The following PGAP2 variants were observed in gnomAD, a reference collection of about 807,000 sequenced individuals.
PGAP2 encodes post-GPI attachment to proteins 2.
Under a neutral mutation model 33.2 loss-of-function variants are expected in PGAP2, and 21 were observed. The ratio of observed to expected loss-of-function variants is 0.63; its 90% CI spans 0.45 to 0.91. PGAP2 has a LOEUF of 0.91. Ranked by LOEUF, PGAP2 falls within the 40% of genes least tolerant of loss-of-function variation. PGAP2 has a pLI of 0.00. For synonymous variants in PGAP2, 161 were observed against 172.9 expected (o/e 0.93, Z 0.54); for missense variants, 345 against 424.0 (o/e 0.81, Z 1.64).
At chr11:3,824,907 G>C (rs1221332732) in intron 5 of PGAP2, 113 bp from the exon 6 acceptor site, 1 of 1,526,244 alleles carries the variant, frequency 6.6e-7, no homozygotes, top group Admixed American at 2.2e-5. Context: ...TTCCATGACC[G>C]CTAGTGGGAG....
chr11:3,824,506 G>T, intron 5 of PGAP2, 130 bp downstream of exon 5: 8 of 1,386,480 alleles, frequency 5.8e-6, no homozygotes, highest in Middle Eastern at 1.9e-4. Flanking sequence ...GGGTGCTGGG[G>T]TTGGGGCTGG....
intron 3 of PGAP2, chr11:3,818,057 CA>C (rs879534196): frequency 6.7e-6 from 1 of 149,998 alleles, no homozygotes; most frequent in East Asian, 2.0e-4. Context: ...AAAAACAAAA[CA>C]AAATAAAAAA....
chr11:3,825,274 C>G, intron 6 of PGAP2, 54 bp from the exon 7 acceptor site: 3 of 1,596,792 alleles, frequency 1.9e-6, no homozygotes, highest in Non-Finnish European at 2.6e-6. Flanking sequence ...CAAGAGGCCT[C>G]TGAGCGGGTA....
chr11:3,814,075 C>T (rs192719415), intron 2 of PGAP2, among the ~76,000 whole-genome samples: 3 of 152,192 alleles, frequency 2.0e-5, no homozygotes, highest in Admixed American at 2.0e-4. Flanking sequence ...CTGAATTTCC[C>T]ACTCAGAGTA....
rs1448861150 is a variant in PGAP2, at chr11:3,798,327, C to CT, written c.139+354dup. Among the ~76,000 whole-genome samples, 18 of 151,790 alleles carry CT rather than the reference C, an allele frequency of 1.2e-4. No individual in the cohort carries two copies. The South Asian group carries it at 2.1e-3, about 18-fold the overall frequency. Reference sequence around the variant, plus strand: ...AGCTGCACGTGGAGAACCCCTAATTCTTTTTTTTTCTTTTTCTTTTGAGAT... The same window carrying CT: ...AGCTGCACGTGGAGAACCCCTAATTCTTTTTTTTTTCTTTTTCTTTTGAGAT... On this transcript the variant is annotated intron_variant, in intron 1 of 6. Transcript: ENST00000300730.
At chr11:3,803,032 C>T (rs1336611201) in intron 1 of PGAP2, among the ~76,000 whole-genome samples, 1 of 141,690 alleles carries the variant, frequency 7.1e-6, no homozygotes, top group Admixed American at 7.1e-5. Flanking sequence ...CTCACTCTGT[C>T]ACCCAGGCTG....
rs140679835 is a variant in PGAP2 at position 3,816,709 on chromosome 11, G to A, written c.166-644G>A. On this transcript the variant is annotated intron_variant, in intron 2 of 6. Coordinates refer to ENST00000278243, the MANE Select transcript of PGAP2 (RefSeq NM_014489.4). The stretch of plus-strand genomic sequence containing the variant: ...TGGCCTGAGGCTTGGATCATTCAGA[G>A]CCTGGGGGTGGAATGGCTGGCAGCC... 1.1e-3 allele frequency among the ~76,000 whole-genome samples: 161 copies of A among 152,310 alleles called. 1 individual carries two copies. The highest frequency in any genetic ancestry group is 3.8e-3 in the African/African-American group (157 of 41,588).
At position 3,819,007 on chromosome 11, in the gene PGAP2, A is replaced by G. The variant is rs1308187727; in HGVS notation, c.348+1472A>G. Among the ~76,000 whole-genome samples, 3 of 152,214 alleles carry G rather than the reference A, an allele frequency of 2.0e-5. No individual in the cohort carries two copies. The East Asian group carries it at 5.8e-4, about 29-fold the overall frequency. The stretch of plus-strand genomic sequence containing the variant: ...GGGCAATTTTTATCAAGAGCTTTGG[A>G]AAGATTTTAGGCAGGAAAGGGACAT... On this transcript the variant is annotated intron_variant, in intron 3 of 6. Coordinates refer to ENST00000278243, the MANE Select transcript of PGAP2 (RefSeq NM_014489.4).
upstream of PGAP2, among the ~76,000 whole-genome samples, chr11:3,806,714 A>C (rs1445537679): frequency 6.6e-6 from 1 of 152,176 alleles, no homozygotes; most frequent in East Asian, 1.9e-4. Context: ...CCTGTTTTCC[A>C]TTGTAAAATG....
At chr11:3,798,229 C>A in intron 1 of PGAP2, 1 of 968,976 alleles carries the variant, frequency 1.0e-6, no homozygotes, top group Non-Finnish European at 1.4e-6. Context: ...ACATTAGGAG[C>A]ATTAGAGATG....
At chr11:3,817,593 G>A in intron 3 of PGAP2, 58 bp downstream of exon 3, 1 of 1,400,084 alleles carries the variant, frequency 7.1e-7, no homozygotes, top group East Asian at 2.3e-5. Flanking sequence ...GGCAGTTAGG[G>A]TAGAATTAGA....
At chr11:3,797,925 C>T in exon 1 of PGAP2, 1 of 1,548,112 alleles carries the variant, frequency 6.5e-7, no homozygotes, top group South Asian at 1.2e-5. Flanking sequence ...CCTTGGAGCG[C>T]CGCGACTCGG....
upstream of PGAP2, among the ~76,000 whole-genome samples, chr11:3,807,309 G>GTT (rs200578138): frequency 0.092 from 10,547 of 114,586 alleles, 637 homozygotes; most frequent in Non-Finnish European, 0.13. Flanking sequence ...ATTTTCACAG[G>GTT]TTTTTTTTTT....
At chr11:3,808,238 G>T (rs906516374), upstream of PGAP2, 21 of 1,545,340 alleles carry the variant, frequency 1.4e-5, no homozygotes, top group East Asian at 1.7e-4. Flanking sequence ...AGGAGAGACG[G>T]GCGGATGAGA....
At chr11:3,798,141 C>T in intron 1 of PGAP2, 1 of 1,441,820 alleles carries the variant, frequency 6.9e-7, no homozygotes, top group South Asian at 1.4e-5. Flanking sequence ...TTCTTCAGGG[C>T]CCTAAATCCT....
chr11:3,825,510 C>A lies in PGAP2; in HGVS notation c.*52C>A. On this transcript the variant is annotated 3_prime_UTR_variant, in exon 7 of 7. Transcript: ENST00000278243. ...CAGCCCACTGCCCAGAAACAAGAAA[C>A]ACGATACCATTCTGGCCTTCCCCAC... 1 of 1,581,960 alleles carries A rather than the reference C, an allele frequency of 6.3e-7. No homozygotes were observed.
At position 3,808,572 on chromosome 11, in the gene PGAP2, A is replaced by ACCAGCCCGCAGAG. The variant is rs941309200; in HGVS notation, c.-82_-70dup. 6.6e-6 allele frequency: 9 copies of ACCAGCCCGCAGAG among 1,373,174 alleles called. No homozygotes were observed. The Admixed American group carries it at 1.3e-4, about 20-fold the overall frequency. 85.1% of individuals were successfully genotyped at this position (1,373,174 alleles called of 1,614,324 possible). On this transcript the variant is annotated 5_prime_UTR_variant, in exon 1 of 7. Coordinates refer to ENST00000278243, the MANE Select transcript of PGAP2 (RefSeq NM_014489.4). The stretch of plus-strand genomic sequence containing the variant: ...CCCCGCCCCCGCCGTTCGCGCTCTG[A>ACCAGCCCGCAGAG]CCAGCCCGCAGAGCCAGCCCCCGAC...
rs977832346 is a variant in PGAP2 at position 3,826,106 on chromosome 11, G to T, written c.*648G>T. The T allele has an allele frequency of 6.6e-6, 1 of 152,434 alleles. No homozygotes were observed. Among genetic ancestry groups the T allele is most frequent in the Non-Finnish European group, 1.5e-5 (1 of 68,278 alleles). 9.4% of individuals were successfully genotyped at this position (152,434 alleles called of 1,614,324 possible). Reference sequence around the variant, plus strand: ...TCTGATGTCATCGGGTGGAGGTGGTGTTCTATACCTAAAGGATGACCTGCT... The same window carrying T: ...TCTGATGTCATCGGGTGGAGGTGGTTTTCTATACCTAAAGGATGACCTGCT... On this transcript the variant is annotated 3_prime_UTR_variant, in exon 7 of 7. Coordinates refer to ENST00000278243, the MANE Select transcript of PGAP2 (RefSeq NM_014489.4).
chr11:3,825,365 C>T lies in PGAP2; in HGVS notation c.855C>T (p.Val285=), dbSNP rs370042505. Residue 285 remains valine, a synonymous_variant, in exon 7 of 7, where the codon GTC becomes GTT. Transcript: ENST00000278243. ...TIFAILEYTV[V]LTNMAFHMTA... is the part of the protein sequence containing the mutation. ...TTGCCATCCTGGAGTACACTGTTGT[C>T]TTAACCAACATGGCGTTCCACATGA... 2.5e-6 allele frequency: 4 copies of T among 1,613,596 alleles called. No homozygotes were observed. The highest frequency in any genetic ancestry group is 3.4e-6 in the Non-Finnish European group (4 of 1,179,750).
Sources: gnomAD v4.1 joint callset for allele counts (sites outside exome capture counted in the v4.1 genomes callset) on GRCh38, gnomAD v4.1.1 for gene constraint, MANE v1.5 for transcripts, NCBI Gene and HGNC (gene_info 2026-07-23, HGNC 2026-07-21) for gene names.